The following BRPF3 variants were observed in gnomAD, a reference collection of about 807,000 sequenced individuals.
The protein encoded by BRPF3 is bromodomain and PHD finger containing 3.
BRPF3 carries 18 observed loss-of-function variants against 102.0 expected under a neutral mutation model. That is an observed-to-expected ratio of 0.18 (90% CI 0.12 to 0.26). The LOEUF (loss-of-function observed/expected upper bound fraction) is 0.26, where lower values mean the gene tolerates loss of function less well. BRPF3 is among the 10% of genes least tolerant of loss of function. The pLI is 1.00. For synonymous variants in BRPF3, 570 were observed against 614.2 expected, an observed-to-expected ratio of 0.93 and a Z score of 1.06; for missense variants, 1,147 against 1,567.8, an observed-to-expected ratio of 0.73 and a Z score of 4.53.
Position 36,211,299 on chromosome 6 carries a change from C to T in BRPF3, c.2221C>T (p.Pro741Ser), listed in dbSNP as rs1768097805. ...CCCAGAGAACCGGGCCCATTTGTCCCCAGAGGTGCAGCTGAAGGAGCTGCT... is the reference window on the plus strand; with the variant it reads ...CCCAGAGAACCGGGCCCATTTGTCCTCAGAGGTGCAGCTGAAGGAGCTGCT... Reference protein sequence around the residue: ...LIPENRAHLSPEVQLKELLEK... With the variant: ...LIPENRAHLSSEVQLKELLEK... The change falls in exon 7 of 13, where the codon CCA becomes TCA. Residue 741 changes from proline (P) to serine (S), a missense_variant. By Grantham distance (74) the Pro-to-Ser change is moderately conservative (BLOSUM62 -1). This residue lies in a region of BRPF3 where 109 missense variants were observed against 175.1 expected (regional missense o/e 0.62). Transcript: ENST00000357641. 1 of 1,614,208 alleles carries T rather than the reference C, an allele frequency of 6.2e-7. No homozygotes were observed. Among genetic ancestry groups the T allele is most frequent in the Non-Finnish European group, 8.5e-7 (1 of 1,180,034 alleles).
intron 4 of BRPF3, among the ~76,000 whole-genome samples, chr6:36,207,650 G>T (rs1767952731): frequency 6.6e-6 from 1 of 152,122 alleles, no homozygotes; most frequent in Admixed American, 6.6e-5. Flanking sequence ...TCAGCTCCTG[G>T]TGGCCTCAAG....
At chr6:36,213,704 G>GAA (rs60749841) in intron 7 of BRPF3, among the ~76,000 whole-genome samples, 176 bp from the exon 8 acceptor site, 25 of 135,258 alleles carry the variant, frequency 1.8e-4, no homozygotes, top group African/African-American at 3.8e-4. Flanking sequence ...TCCTGTCTCT[G>GAA]AAAAAAAAAA....
rs754637960 is a variant in BRPF3 at position 36,200,401 on chromosome 6, C to A, written c.79C>A (p.Pro27Thr). Residue 27 changes from proline to threonine, a missense_variant, in exon 2 of 13, where the codon CCC (proline) becomes ACC (threonine). Physicochemically the swap from Pro to Thr is conservative, Grantham distance 38. This residue lies in a region of BRPF3 where 221 missense variants were observed against 337.1 expected (regional missense o/e 0.66). Coordinates refer to ENST00000357641, the MANE Select transcript of BRPF3 (RefSeq NM_015695.3). This position sits in a 1 kb window ranked among gnomAD's most constrained non-coding sequence, Gnocchi z 5.3. Reference sequence around the variant, plus strand: ...GTCCCCCTACAGTCTCAAGTGCTCACCCACCCGGGAGACCCTGACATATGC... The same window carrying A: ...GTCCCCCTACAGTCTCAAGTGCTCAACCACCCGGGAGACCCTGACATATGC... ...SPSPYSLKCS[P>T]TRETLTYAQA... 6.2e-7 allele frequency: 1 copy of A among 1,614,156 alleles called. No individual in the cohort carries two copies. The highest frequency in any genetic ancestry group is 8.5e-7 in the Non-Finnish European group (1 of 1,180,056).
Position 36,209,898 on chromosome 6 carries a change from C to A in BRPF3, c.1849C>A (p.Pro617Thr). 1 of 1,614,124 alleles carries A rather than the reference C, an allele frequency of 6.2e-7. No individual in the cohort carries two copies. The highest frequency in any genetic ancestry group is 8.5e-7 in the Non-Finnish European group (1 of 1,179,990). ...EKDPAHIFAE[P>T]VNLSEVPDYL... The stretch of plus-strand genomic sequence containing the variant: ...GGATCCTGCACACATCTTCGCAGAA[C>A]CAGTCAACTTGAGTGAGGCAAGTTC... The change falls in exon 5 of 13, where the codon CCA becomes ACA. Residue 617 changes from proline to threonine, a missense_variant. Around this residue, in one of 11 missense-constraint regions of BRPF3, gnomAD observed 44 missense variants for 38.6 expected, o/e 1.14. Transcript: ENST00000357641.
chr6:36,214,477 T>A, intron 8 of BRPF3, 91 bp downstream of exon 8: 1 of 1,389,570 alleles, frequency 7.2e-7, no homozygotes, highest in Non-Finnish European at 9.5e-7. Context: ...GCCATCTCTC[T>A]AATGGCACCA....
chr6:36,226,702 C>G (rs956407472), intron 11 of BRPF3, among the ~76,000 whole-genome samples: 3 of 152,226 alleles, frequency 2.0e-5, no homozygotes, highest in African/African-American at 2.4e-5. Context: ...GAATTCTGAT[C>G]CTGTTTGGTC....
At chr6:36,203,683 C>CT (rs560481499) in intron 2 of BRPF3, among the ~76,000 whole-genome samples, 17 of 152,284 alleles carry the variant, frequency 1.1e-4, no homozygotes, top group African/African-American at 3.6e-4. Context: ...CTGTGCTTAT[C>CT]TTTGTTTCAA....
At position 36,230,438 on chromosome 6, in the gene BRPF3, A is replaced by C. The variant is rs142886577; in HGVS notation, c.3447A>C (p.Pro1149=). The change falls in exon 13 of 13, where the codon CCA becomes CCC. Residue 1149 remains proline (P), a synonymous_variant. Coordinates refer to ENST00000357641, the MANE Select transcript of BRPF3 (RefSeq NM_015695.3). This position sits in a 1 kb window ranked among gnomAD's most constrained non-coding sequence, Gnocchi z 5.4. The part of the protein sequence containing the change: ...FDNKRTWQWL[P]RDKVLPLGVE... ...GCTTGCATTTCAGGCAGTGGCTTCC[A>C]AGGGACAAAGTCCTGCCCTTGGGTG... 2.5e-6 allele frequency: 4 copies of C among 1,614,040 alleles called. No homozygotes were observed. Among genetic ancestry groups the C allele is most frequent in the Non-Finnish European group, 3.4e-6 (4 of 1,179,940 alleles).
intron 2 of BRPF3, among the ~76,000 whole-genome samples, chr6:36,202,545 A>G (rs1418100955): frequency 6.6e-6 from 1 of 151,492 alleles, no homozygotes; most frequent in South Asian, 2.1e-4. Flanking sequence ...AAGATTTCCT[A>G]GCAGAGACTC....
chr6:36,212,246 T>C (rs1768147395), intron 7 of BRPF3, among the ~76,000 whole-genome samples: 1 of 152,180 alleles, frequency 6.6e-6, no homozygotes, highest in South Asian at 2.1e-4. Context: ...CTCATTCTTC[T>C]CCTTCACTGG....
Position 36,214,278 on chromosome 6 carries a change from G to T in BRPF3, c.2881G>T (p.Ala961Ser). ...GGACCATGGTGTGGCAGGCTCTCCT[G>T]CCTCTCCAGCCAGCATCGAGGAAGA... is the stretch of plus-strand genomic sequence containing the variant. Reference protein sequence around the residue: ...GEDHGVAGSPASPASIEEERH... With the variant: ...GEDHGVAGSPSSPASIEEERH... The change falls in exon 8 of 13, where the codon GCC (alanine) becomes TCC (serine). Residue 961 changes from alanine (A) to serine (S), a missense_variant. Physicochemically the swap from Ala to Ser is moderately conservative, Grantham distance 99 (BLOSUM62 1). Around this residue, in one of 11 missense-constraint regions of BRPF3, gnomAD observed 379 missense variants for 426.3 expected, o/e 0.89. Transcript: ENST00000357641. The T allele has an allele frequency of 2.5e-6, 4 of 1,614,032 alleles. No homozygotes were observed. Among genetic ancestry groups the T allele is most frequent in the Non-Finnish European group, 3.4e-6 (4 of 1,180,038 alleles).
chr6:36,225,367 G>A lies in BRPF3; in HGVS notation c.3279+3G>A, dbSNP rs764159494. On this transcript the variant is annotated splice_donor_region_variant and intron_variant, in intron 11 of 12. Transcript: ENST00000357641. ...GCTACCCCTCCTACCCTGCCTTGGT[G>A]AGTCTGCCCCAGACGCCACCCTCCT... The A allele has an allele frequency of 4.0e-5, 64 of 1,608,952 alleles. No individual in the cohort carries two copies. The highest frequency in any genetic ancestry group is 2.5e-6 in the Non-Finnish European group (3 of 1,179,858).
chr6:36,226,515 A>G (rs1768745628), intron 11 of BRPF3, among the ~76,000 whole-genome samples: 1 of 152,176 alleles, frequency 6.6e-6, no homozygotes, highest in Admixed American at 6.5e-5. Context: ...CTATCAAATT[A>G]GACTCTCTGA....
Position 36,230,818 on chromosome 6 carries a change from C to T in BRPF3, c.*209C>T. 1 of 592,322 alleles carries T rather than the reference C, an allele frequency of 1.7e-6. No homozygotes were observed. The highest frequency in any genetic ancestry group is 2.9e-6 in the Non-Finnish European group (1 of 342,094). The allele number at this position is 592,322 out of a possible 1,614,324, so 36.7% of individuals were successfully genotyped here. A position where few individuals can be genotyped will look rare whatever the true frequency, so the allele number is the denominator to read the frequency against. ...GCCTGCTGTGTGCCAAAAACTCCCA[C>T]CCAAGGTCCCTCAGGGGATATTTCA... is the stretch of plus-strand genomic sequence containing the variant. On this transcript the variant is annotated 3_prime_UTR_variant, in exon 13 of 13. Transcript: ENST00000357641. The surrounding 1 kb of genome is among the most constrained non-coding windows in gnomAD (Gnocchi z 5.4).
Position 36,214,125 on chromosome 6 carries a change from A to C in BRPF3, c.2728A>C (p.Met910Leu). The C allele has an allele frequency of 3.7e-6, 6 of 1,614,196 alleles. No homozygotes were observed. The highest frequency in any genetic ancestry group is 5.1e-6 in the Non-Finnish European group (6 of 1,180,042). The change falls in exon 8 of 13, where the codon ATG becomes CTG. Residue 910 changes from methionine to leucine, a missense_variant. By Grantham distance (15) the Met-to-Leu change is conservative (BLOSUM62 2). Transcript: ENST00000357641. ...SDNGINRLSL[M>L]APDTPAGTPL... ...CAATGGCATCAACAGACTATCCCTC[A>C]TGGCCCCTGACACCCCGGCCGGTAC...
In BRPF3 at chr6:36,210,403, T is replaced by C; in HGVS notation, c.2054T>C (p.Leu685Pro). The change falls in exon 6 of 13, where the codon CTG (leucine) becomes CCG (proline). Residue 685 changes from leucine to proline, a missense_variant. Transcript: ENST00000357641. This position sits in a 1 kb window ranked among gnomAD's most constrained non-coding sequence, Gnocchi z 4.7. The stretch of plus-strand genomic sequence containing the variant: ...CGAGCAGCTGTCCGCCTGCGGGACC[T>C]GGGAGGGGCCATCCTACGGCACGCC... The part of the protein sequence containing the change: ...FHRAAVRLRD[L>P]GGAILRHARR... 1.2e-6 allele frequency: 2 copies of C among 1,613,968 alleles called. No individual in the cohort carries two copies. Among genetic ancestry groups the C allele is most frequent in the Non-Finnish European group, 1.7e-6 (2 of 1,179,984 alleles).
chr6:36,225,471 C>A, intron 11 of BRPF3, 107 bp downstream of exon 11: 1 of 1,011,312 alleles, frequency 9.9e-7, no homozygotes, highest in Non-Finnish European at 1.4e-6. Context: ...GTGTCTTTAG[C>A]TGTAGAGGGG....
chr6:36,201,257 G>T lies in BRPF3; in HGVS notation c.935G>T (p.Gly312Val). 1 of 1,614,168 alleles carries T rather than the reference G, an allele frequency of 6.2e-7. No homozygotes were observed. Among genetic ancestry groups the T allele is most frequent in the Non-Finnish European group, 8.5e-7 (1 of 1,180,024 alleles). Reference protein sequence around the residue: ...ANTVFLEPIEGIDNIPPARWK... With the variant: ...ANTVFLEPIEVIDNIPPARWK... Reference sequence around the variant, plus strand: ...ACCGTGTTCTTGGAACCTATTGAGGGCATTGACAATATCCCGCCTGCCCGC... The same window carrying T: ...ACCGTGTTCTTGGAACCTATTGAGGTCATTGACAATATCCCGCCTGCCCGC... The change falls in exon 2 of 13, where the codon GGC (glycine) becomes GTC (valine). Residue 312 changes from glycine (G) to valine (V), a missense_variant. Physicochemically the swap from Gly to Val is moderately radical, Grantham distance 109. Coordinates refer to ENST00000357641, the MANE Select transcript of BRPF3 (RefSeq NM_015695.3). This position sits in a 1 kb window ranked among gnomAD's most constrained non-coding sequence, Gnocchi z 5.1.
intron 10 of BRPF3, 78 bp downstream of exon 10, chr6:36,222,343 GGGCTCC>G: frequency 7.3e-7 from 1 of 1,368,294 alleles, no homozygotes; most frequent in Non-Finnish European, 1.0e-6. Flanking sequence ...TGCACTGCTG[GGGCTCC>G]GTACCAGGCA....
Sources: allele counts gnomAD v4.1 joint callset (sites outside exome capture counted in the v4.1 genomes callset), GRCh38; gene constraint gnomAD v4.1.1; regional missense constraint gnomAD v4.1.1; non-coding constraint Gnocchi (gnomAD v3.1); transcripts MANE v1.5; gene names NCBI Gene and HGNC (gene_info 2026-07-23, HGNC 2026-07-21).